The following NDUFB6 variants were observed in gnomAD, a reference collection of about 807,000 sequenced individuals.
The protein encoded by NDUFB6 is NADH dehydrogenase [ubiquinone] 1 beta subcomplex subunit 6.
A neutral mutation model predicts 17.5 loss-of-function variants in NDUFB6; 23 were observed. That is an observed-to-expected ratio of 1.31 (90% CI 0.94 to 1.86). NDUFB6 has a LOEUF of 1.86. Ranked by LOEUF, NDUFB6 falls within the 40% of genes most tolerant of loss-of-function variation. The pLI is 0.00. For synonymous variants in NDUFB6, 60 were observed against 53.5 expected (o/e 1.12, Z -0.53); for missense variants, 167 against 153.8 (o/e 1.09, Z -0.46).
Position 32,558,934 on chromosome 9 carries a change from A to G in NDUFB6, c.294T>C (p.Val98=), listed in dbSNP as rs534020646. The G allele has an allele frequency of 6.3e-7, 1 of 1,585,128 alleles. No individual in the cohort carries two copies. The highest frequency in any genetic ancestry group is 1.3e-5 in the African/African-American group (1 of 74,540). The stretch of plus-strand genomic sequence containing the variant: ...CAGGGAATATTCTGGACTTCTTTTC[A>G]ACTATGCCATATGGTTTTTCCTGTA... ...YHVSEKPYGI[V]EKKSRIFPGD... is the part of the protein sequence containing the mutation. Residue 98 remains valine (V), a synonymous_variant, in exon 3 of 4, where the codon GTT becomes GTC. Transcript: ENST00000379847.
chr9:32,566,108 G>T (rs750883523), intron 2 of NDUFB6: 3 of 490,902 alleles, frequency 6.1e-6, no homozygotes, highest in South Asian at 3.3e-5. Flanking sequence ...TTATGCCCAC[G>T]ACAGGCCTCG....
chr9:32,568,748 A>ATATATTTTTTTTTTTT (rs1213123923), intron 2 of NDUFB6: 4 of 114,364 alleles, frequency 3.5e-5, no homozygotes, highest in Admixed American at 9.2e-5. Context: ...ATATATATAT[A>ATATATTTTTTTTTTTT]TTTTTTTTTT....
At chr9:32,566,344 C>A (rs997585008) in intron 2 of NDUFB6, 1 of 1,175,132 alleles carries the variant, frequency 8.5e-7, no homozygotes. Context: ...ACTGCTTCCA[C>A]CAGTGTAGGA....
intron 3 of NDUFB6, among the ~76,000 whole-genome samples, chr9:32,554,677 A>G (rs182681953): frequency 1.3e-5 from 2 of 152,290 alleles, no homozygotes; most frequent in African/African-American, 4.8e-5. Context: ...AAAAATAAAT[A>G]TGTTTATGCC....
Position 32,558,892 on chromosome 9 carries a change from A to C in NDUFB6, c.318+18T>G. On this transcript the variant is annotated intron_variant, in intron 3 of 3. Transcript: ENST00000379847. ...AAAAACAATAAACAAAAGAAAAATC[A>C]GAAGTGTTAAGACTTACAGGGAATA... is the stretch of plus-strand genomic sequence containing the variant. 6.7e-7 allele frequency: 1 copy of C among 1,493,174 alleles called. No homozygotes were observed. The highest frequency in any genetic ancestry group is 9.2e-7 in the Non-Finnish European group (1 of 1,088,616). 92.5% of individuals were successfully genotyped at this position (1,493,174 alleles called of 1,614,324 possible). A position where few individuals can be genotyped will look rare whatever the true frequency, so the allele number is the denominator to read the frequency against.
chr9:32,568,361 G>A (rs986860954), intron 2 of NDUFB6: 3 of 232,684 alleles, frequency 1.3e-5, no homozygotes, highest in African/African-American at 2.3e-5. Context: ...CTTGATAGAT[G>A]AGAAGGTGCT....
Position 32,554,875 on chromosome 9 carries a change from A to T in NDUFB6, c.319-931T>A, listed in dbSNP as rs114969544. Among the ~76,000 whole-genome samples, 744 of 152,306 alleles carry T rather than the reference A, an allele frequency of 4.9e-3. 8 individuals carry two copies. The highest frequency in any genetic ancestry group is 0.017 in the African/African-American group (693 of 41,558). On this transcript the variant is annotated intron_variant, in intron 3 of 3. Transcript: ENST00000379847. ...AACTATTTAGCAAAATATCTCCTAT[A>T]ACTTGGAAGCTGACTGCCTAATGAA...
intron 3 of NDUFB6, among the ~76,000 whole-genome samples, chr9:32,556,810 A>G (rs1252483210): frequency 6.6e-6 from 1 of 151,660 alleles, no homozygotes; most frequent in African/African-American, 2.4e-5. Flanking sequence ...AACACACATC[A>G]ATGTTACACA....
In NDUFB6 at chr9:32,561,956, T is replaced by G. The variant is rs142462360; in HGVS notation, c.274-3002A>C. Among the ~76,000 whole-genome samples, 934 of 152,340 alleles carry G rather than the reference T, an allele frequency of 6.1e-3. 20 individuals are homozygous for G. The highest frequency in any genetic ancestry group is 0.021 in the African/African-American group (879 of 41,580). ...CAATGTTTTTCTTTGTTTTCCTCAA[T>G]GTATCACATTCATCAAGTCACTCTC... is the stretch of plus-strand genomic sequence containing the variant. On this transcript the variant is annotated intron_variant, in intron 2 of 3. Transcript: ENST00000379847.
At chr9:32,566,337 G>T in intron 2 of NDUFB6, 1 of 1,169,812 alleles carries the variant, frequency 8.5e-7, no homozygotes, top group South Asian at 1.2e-5. Flanking sequence ...TTCTTTAACT[G>T]CTTCCACCAG....
At position 32,553,958 on chromosome 9, in the gene NDUFB6, G is replaced by T. The variant is rs75102800; in HGVS notation, c.319-14C>A. On this transcript the variant is annotated splice_polypyrimidine_tract_variant and intron_variant, in intron 3 of 3. Transcript: ENST00000379847. ...AATTGTATCACCCTAGGAAAACAAA[G>T]ATACAGTTAGTACAAAAATCTTAAG... The T allele has an allele frequency of 1.7e-4, 267 of 1,529,332 alleles. 2 individuals are homozygous for T. In the East Asian group the frequency reaches 5.5e-3, roughly 32 times the overall value. 94.7% of individuals were successfully genotyped at this position (1,529,332 alleles called of 1,614,324 possible). A position where few individuals can be genotyped will look rare whatever the true frequency, so the allele number is the denominator to read the frequency against.
rs1821348045 is a variant in NDUFB6, at chr9:32,553,142, T to C, written c.*734A>G. The C allele has an allele frequency of 2.3e-6, 1 of 435,540 alleles. No homozygotes were observed. The highest frequency in any genetic ancestry group is 4.0e-5 in the Admixed American group (1 of 25,102). 27.0% of individuals were successfully genotyped at this position (435,540 alleles called of 1,614,324 possible). A position where few individuals can be genotyped will look rare whatever the true frequency, so the allele number is the denominator to read the frequency against. ...TCTGACAGTCTTGAGTGTCAGATCA[T>C]AGTTGGAATAAGCTTTTCAATCAAG... is the stretch of plus-strand genomic sequence containing the variant. On this transcript the variant is annotated 3_prime_UTR_variant, in exon 4 of 4. Coordinates refer to ENST00000379847, the MANE Select transcript of NDUFB6 (RefSeq NM_002493.5).
At chr9:32,566,049 TC>T in intron 2 of NDUFB6, 1 of 374,976 alleles carries the variant, frequency 2.7e-6, no homozygotes, top group Admixed American at 4.0e-5. Flanking sequence ...TAAGGTTTTT[TC>T]CAGGAGCTAC....
At chr9:32,553,994 T>TGATA in intron 3 of NDUFB6, 50 bp from the exon 4 acceptor site, 2 of 1,182,440 alleles carry the variant, frequency 1.7e-6, no homozygotes, top group Non-Finnish European at 2.5e-6. Flanking sequence ...TCTACAGAGG[T>TGATA]GATAGTTCTA....
At chr9:32,564,937 C>T (rs1029264957) in intron 2 of NDUFB6, among the ~76,000 whole-genome samples, 3 of 152,136 alleles carry the variant, frequency 2.0e-5, no homozygotes, top group Admixed American at 6.5e-5. Flanking sequence ...TCATGTGGTT[C>T]GACATAATAG....
intron 1 of NDUFB6, among the ~76,000 whole-genome samples, chr9:32,572,017 G>A (rs1253136534): frequency 3.3e-5 from 5 of 152,164 alleles, no homozygotes; most frequent in South Asian, 2.1e-4. Context: ...GCAAATCACT[G>A]AAGCTTTGTA....
intron 2 of NDUFB6, among the ~76,000 whole-genome samples, chr9:32,569,188 C>T (rs1041637739): frequency 1.1e-4 from 17 of 152,114 alleles, no homozygotes; most frequent in African/African-American, 3.1e-4. Flanking sequence ...CTCAAATGAT[C>T]ATTAGCATTT....
At chr9:32,561,891 T>C (rs1821637387) in intron 2 of NDUFB6, among the ~76,000 whole-genome samples, 1 of 152,240 alleles carries the variant, frequency 6.6e-6, no homozygotes, top group Non-Finnish European at 1.5e-5. Flanking sequence ...TGATCTGCCC[T>C]GCTGTCAGAA....
intron 2 of NDUFB6, chr9:32,567,250 C>T: frequency 2.1e-6 from 1 of 473,194 alleles, no homozygotes; most frequent in Non-Finnish European, 4.4e-6. Flanking sequence ...CTGGCATGGG[C>T]CGGGAACCGA....
Sources: gnomAD v4.1 joint callset for allele counts (sites outside exome capture counted in the v4.1 genomes callset) on GRCh38, gnomAD v4.1.1 for gene constraint, MANE v1.5 for transcripts, NCBI Gene and HGNC (gene_info 2026-07-23, HGNC 2026-07-21) for gene names.